Variants in SLCO4A1 observed in about 807,000 individuals in gnomAD.
SLCO4A1 encodes colon organic anion transporter.
In SLCO4A1, 51 loss-of-function variants were observed where a neutral mutation model predicts 64.6. The ratio of observed to expected loss-of-function variants is 0.79; its 90% confidence interval spans 0.63 to 1.00. The LOEUF (loss-of-function observed/expected upper bound fraction) is 1.00, where lower values mean the gene tolerates loss of function less well. Among genes scored for constraint, SLCO4A1 ranks in the 50% least tolerant of loss-of-function variants. The pLI, the probability that SLCO4A1 is intolerant of heterozygous loss-of-function variation, is 0.00. For synonymous variants in SLCO4A1, 471 were observed against 444.9 expected, an observed-to-expected ratio of 1.06 and a Z score of -0.74; for missense variants, 919 against 980.5, an observed-to-expected ratio of 0.94 and a Z score of 0.84.
downstream of SLCO4A1, among the ~76,000 whole-genome samples, chr20:62,675,235 G>A (rs374039035): frequency 2.0e-5 from 3 of 152,172 alleles, no homozygotes; most frequent in Admixed American, 6.5e-5. Flanking sequence ...GCTGCTCATC[G>A]GCATTGCAAG....
downstream of SLCO4A1, among the ~76,000 whole-genome samples, chr20:62,675,127 C>A (rs980316837): frequency 3.3e-5 from 5 of 152,176 alleles, no homozygotes; most frequent in Admixed American, 2.0e-4. Flanking sequence ...AGGAAGAGGA[C>A]CAGCATGTTC....
chr20:62,686,787 A>C (rs112581175), downstream of SLCO4A1, among the ~76,000 whole-genome samples: 8 of 152,238 alleles, frequency 5.3e-5, 2 homozygotes, highest in African/African-American at 1.9e-4. Flanking sequence ...AGCACCACAG[A>C]GAAGGGGTGG....
At chr20:62,675,590 G>A (rs916447212), downstream of SLCO4A1, among the ~76,000 whole-genome samples, 7 of 152,206 alleles carry the variant, frequency 4.6e-5, no homozygotes, top group East Asian at 7.7e-4. Flanking sequence ...GCCTGGTCCC[G>A]GCCCCAGCCC....
In SLCO4A1 at chr20:62,668,035, C is replaced by T; in HGVS notation, c.1662C>T (p.Ile554=). The change falls in exon 9 of 12, where the codon ATC becomes ATT. Residue 554 remains isoleucine (I), a synonymous_variant. Transcript: ENST00000217159. ...GQKVYRDCSC[I]PQNLSSGFGH... ...AGGTGTACCGAGACTGTAGCTGTAT[C>T]CCTCAGAATCTTTCCTCTGGTTTTG... 6.2e-7 allele frequency: 1 copy of T among 1,614,080 alleles called. No individual in the cohort carries two copies. The highest frequency in any genetic ancestry group is 8.5e-7 in the Non-Finnish European group (1 of 1,180,052).
downstream of SLCO4A1, among the ~76,000 whole-genome samples, chr20:62,674,938 G>A (rs1987517204): frequency 1.3e-5 from 2 of 152,208 alleles, no homozygotes; most frequent in African/African-American, 2.4e-5. Flanking sequence ...GGTAAGGCAC[G>A]TCCGTTGTTT....
chr20:62,658,885 C>A, intron 3 of SLCO4A1, 118 bp downstream of exon 3: 2 of 847,140 alleles, frequency 2.4e-6, no homozygotes, highest in Non-Finnish European at 3.7e-6. Context: ...GTGCTGGGCA[C>A]CCCCCGGGCT....
intron 9 of SLCO4A1, 32 bp downstream of exon 9, chr20:62,668,216 A>G (rs1249682149): frequency 6.2e-7 from 1 of 1,611,900 alleles, no homozygotes; most frequent in Non-Finnish European, 8.5e-7. Context: ...GCTTGTCCAG[A>G]GCTTTCCTTG....
downstream of SLCO4A1, among the ~76,000 whole-genome samples, chr20:62,689,854 CGAGG>C (rs1988174883): frequency 6.6e-6 from 1 of 152,202 alleles, no homozygotes. Flanking sequence ...TGTCTGGGGC[CGAGG>C]AAGGGGGTGG....
chr20:62,660,990 C>A, intron 4 of SLCO4A1, 74 bp from the exon 5 acceptor site: 1 of 1,024,422 alleles, frequency 9.8e-7, no homozygotes, highest in Non-Finnish European at 1.5e-6. Context: ...GGAGTGGGGG[C>A]AGAGCCTCTC....
downstream of SLCO4A1, among the ~76,000 whole-genome samples, chr20:62,687,034 C>T (rs1478069447): frequency 6.7e-6 from 1 of 149,790 alleles, no homozygotes; most frequent in East Asian, 2.0e-4. Context: ...GGAAGGGCAC[C>T]CCCAAACAGG....
chr20:62,660,576 G>A (rs1354873161), intron 4 of SLCO4A1, 43 bp downstream of exon 4: 1 of 1,593,020 alleles, frequency 6.3e-7, no homozygotes. Flanking sequence ...TTGGGAGACT[G>A]TCCCTTAGTC....
chr20:62,689,311 C>G (rs937334238), downstream of SLCO4A1, among the ~76,000 whole-genome samples: 1 of 152,022 alleles, frequency 6.6e-6, no homozygotes, highest in Admixed American at 6.5e-5. Context: ...AGGCCTGTCC[C>G]CGGCTGTGCC....
intron 1 of SLCO4A1, among the ~76,000 whole-genome samples, chr20:62,655,468 G>A (rs1165234877): frequency 6.6e-6 from 1 of 152,246 alleles, no homozygotes; most frequent in Non-Finnish European, 1.5e-5. Flanking sequence ...AGCCACCTGG[G>A]TTCCCCAGAA....
rs147555831 is a variant in SLCO4A1 at position 62,656,636 on chromosome 20, A to C, written c.182A>C (p.Gln61Pro). 244 of 1,601,994 alleles carry C rather than the reference A, an allele frequency of 1.5e-4. No individual in the cohort carries two copies. Among genetic ancestry groups the C allele is most frequent in the Non-Finnish European group, 1.9e-4 (229 of 1,175,306 alleles). The change falls in exon 2 of 12, where the codon CAG (glutamine) becomes CCG (proline). Residue 61 changes from glutamine to proline, a missense_variant. Gln to Pro is a moderately conservative substitution (Grantham distance 76, BLOSUM62 -1). Coordinates refer to ENST00000217159, the MANE Select transcript of SLCO4A1 (RefSeq NM_016354.4). The stretch of plus-strand genomic sequence containing the variant: ...GACACCAGCAAGCAGCCCCTCTGCC[A>C]GCTCTGGGCCGAGAAGCATGGCGCC... Reference protein sequence around the residue: ...PLDTSKQPLCQLWAEKHGARG... With the variant: ...PLDTSKQPLCPLWAEKHGARG...
chr20:62,656,894 G>C lies in SLCO4A1; in HGVS notation c.440G>C (p.Ser147Thr). The C allele has an allele frequency of 1.3e-6, 2 of 1,576,980 alleles. No individual in the cohort carries two copies. Among genetic ancestry groups the C allele is most frequent in the Non-Finnish European group, 1.7e-6 (2 of 1,155,782 alleles). The part of the protein sequence containing the change: ...LHSYQSGLIA[S>T]SYDIAACLCL... ...AGCTACCAGAGCGGGCTCATCGCCA[G>C]CTCCTACGACATTGCCGCCTGCCTC... is the stretch of plus-strand genomic sequence containing the variant. Residue 147 changes from serine (S) to threonine (T), a missense_variant, in exon 2 of 12, where the codon AGC becomes ACC. Coordinates refer to ENST00000217159, the MANE Select transcript of SLCO4A1 (RefSeq NM_016354.4).
chr20:62,656,612 A>G lies in SLCO4A1; in HGVS notation c.158A>G (p.Asp53Gly). Residue 53 changes from aspartate (D) to glycine (G), a missense_variant, in exon 2 of 12, where the codon GAC becomes GGC. Transcript: ENST00000217159. ...CGCTCCGCTGCCCATAGCCCCCTGG[A>G]CACCAGCAAGCAGCCCCTCTGCCAG... ...SLRSAAHSPL[D>G]TSKQPLCQLW... The G allele has an allele frequency of 6.2e-7, 1 of 1,600,180 alleles. No individual in the cohort carries two copies. Among genetic ancestry groups the G allele is most frequent in the South Asian group, 1.1e-5 (1 of 89,386 alleles).
At position 62,664,935 on chromosome 20, in the gene SLCO4A1, TC is replaced by T. The variant is rs1985815284; in HGVS notation, c.1125del (p.Ile376SerfsTer5). 1 of 1,604,022 alleles carries T rather than the reference TC, an allele frequency of 6.2e-7. No individual in the cohort carries two copies. ...FGKTIRDLPL[S>X]IWLLLKNPTF... ...CTCCACACCCCCACCTCTGCCCAGC[TC>T]CATCTGGCTCCTGCTGAAGAACCCC... On this transcript the variant is annotated frameshift_variant and splice_region_variant, in exon 6 of 12. Coordinates refer to ENST00000217159, the MANE Select transcript of SLCO4A1 (RefSeq NM_016354.4). LOFTEE classifies it high-confidence loss of function.
intron 5 of SLCO4A1, among the ~76,000 whole-genome samples, chr20:62,662,399 C>T (rs1173374883): frequency 6.6e-6 from 1 of 152,128 alleles, no homozygotes; most frequent in Admixed American, 6.5e-5. Context: ...GAGGGTCAGG[C>T]GCCCTGTTCC....
At chr20:62,671,144 C>CG (rs1987152620) in intron 11 of SLCO4A1, among the ~76,000 whole-genome samples, 1 of 152,210 alleles carries the variant, frequency 6.6e-6, no homozygotes, top group Non-Finnish European at 1.5e-5. Context: ...ATGGTGGCAC[C>CG]GGGGCTTGAA....
Sources: gnomAD v4.1 joint callset for allele counts (sites outside exome capture counted in the v4.1 genomes callset) on GRCh38, gnomAD v4.1.1 for gene constraint, MANE v1.5 for transcripts, NCBI Gene and HGNC (gene_info 2026-07-23, HGNC 2026-07-21) for gene names.